The following EPHA3 variants were observed in gnomAD, a reference collection of about 807,000 sequenced individuals.
EPHA3 encodes EPH receptor A3.
EPHA3 carries 42 observed loss-of-function variants against 107.1 expected under a neutral mutation model. That is an observed-to-expected ratio of 0.39 (90% confidence interval 0.31 to 0.51). EPHA3 has a LOEUF of 0.51. Among genes scored for constraint, EPHA3 ranks in the 20% least tolerant of loss-of-function variants. The pLI, the probability that EPHA3 is intolerant of heterozygous loss-of-function variation, is 0.78. For synonymous variants in EPHA3, 461 were observed against 424.8 expected, an observed-to-expected ratio of 1.09 and a Z score of -1.05; for missense variants, 1,183 against 1,211.2, an observed-to-expected ratio of 0.98 and a Z score of 0.35.
At chr3:89,189,452 G>A (rs1705649739) in intron 2 of EPHA3, among the ~76,000 whole-genome samples, 1 of 152,136 alleles carries the variant, frequency 6.6e-6, no homozygotes, top group Non-Finnish European at 1.5e-5. Context: ...AATTAGCTGG[G>A]CACGGTGGCG....
chr3:89,193,266 T>C (rs1206122519), intron 2 of EPHA3, among the ~76,000 whole-genome samples: 1 of 152,070 alleles, frequency 6.6e-6, no homozygotes, highest in Non-Finnish European at 1.5e-5. Context: ...CCATTGTTTT[T>C]GGGTTTAAAA....
chr3:89,196,719 C>A (rs1322154632), intron 2 of EPHA3, among the ~76,000 whole-genome samples: 6 of 152,080 alleles, frequency 3.9e-5, no homozygotes, highest in African/African-American at 1.2e-4. Context: ...AGTCAAAATT[C>A]TACTTATGTT....
chr3:89,368,849 CAGCAGTATG>C (rs1708235738), intron 5 of EPHA3, among the ~76,000 whole-genome samples: 1 of 150,428 alleles, frequency 6.6e-6, no homozygotes, highest in Non-Finnish European at 1.5e-5. Context: ...AACGCTTCAC[CAGCAGTATG>C]AGCATCCCTT....
intron 2 of EPHA3, among the ~76,000 whole-genome samples, chr3:89,205,161 T>A (rs1706069243): frequency 6.6e-6 from 1 of 152,192 alleles, no homozygotes; most frequent in Non-Finnish European, 1.5e-5. Context: ...TATTGCAGCT[T>A]CTGTTTCTCT....
intron 2 of EPHA3, among the ~76,000 whole-genome samples, chr3:89,181,522 A>T (rs1705442084): frequency 6.6e-6 from 1 of 152,010 alleles, no homozygotes; most frequent in African/African-American, 2.4e-5. Flanking sequence ...TAAACAGAAA[A>T]ATAAATAAAA....
chr3:89,107,680 C>A lies in EPHA3; in HGVS notation c.-69C>A. On this transcript the variant is annotated 5_prime_UTR_variant, in exon 1 of 17. Transcript: ENST00000336596. ...ATGGTAACTTCTCCAGCAATCAGAGCGCTCCCCCTCACATCAGTGGCATGC... is the reference window on the plus strand; with the variant it reads ...ATGGTAACTTCTCCAGCAATCAGAGAGCTCCCCCTCACATCAGTGGCATGC... The A allele has an allele frequency of 2.2e-6, 3 of 1,393,762 alleles. No individual in the cohort carries two copies. Among genetic ancestry groups the A allele is most frequent in the Non-Finnish European group, 3.0e-6 (3 of 985,594 alleles). The allele number at this position is 1,393,762 out of a possible 1,614,324, so 86.3% of individuals were successfully genotyped here.
chr3:89,327,981 C>G lies in EPHA3; in HGVS notation c.815-12935C>G, dbSNP rs138567905. On this transcript the variant is annotated intron_variant, in intron 3 of 16. Transcript: ENST00000336596. ...CGCATGGTGGCTGTCACCTGTAATC[C>G]CAGCTATTTAGGAGGCTGAGGCAGG... Among the ~76,000 whole-genome samples, 1,076 of 151,866 alleles carry G rather than the reference C, an allele frequency of 7.1e-3. 12 individuals are homozygous for G. Among genetic ancestry groups the G allele is most frequent in the Middle Eastern group, 0.02 (6 of 294 alleles).
At chr3:89,457,515 G>A (rs1346540489) in intron 15 of EPHA3, among the ~76,000 whole-genome samples, 2 of 152,186 alleles carry the variant, frequency 1.3e-5, no homozygotes, top group Non-Finnish European at 2.9e-5. Flanking sequence ...GATGATCTGA[G>A]GCAGAACAGT....
intron 13 of EPHA3, among the ~76,000 whole-genome samples, chr3:89,438,884 T>C (rs544119815): frequency 2.6e-5 from 4 of 152,198 alleles, no homozygotes; most frequent in Non-Finnish European, 5.9e-5. Flanking sequence ...TAATGAAAAG[T>C]CTAGTACTTT....
intron 3 of EPHA3, among the ~76,000 whole-genome samples, chr3:89,217,693 A>G (rs1704251725): frequency 6.6e-6 from 1 of 152,220 alleles, no homozygotes; most frequent in African/African-American, 2.4e-5. Flanking sequence ...TGAGTGTAAA[A>G]TATTTCTGAA....
chr3:89,251,193 G>GT (rs1356117225), intron 3 of EPHA3, among the ~76,000 whole-genome samples: 11 of 151,912 alleles, frequency 7.2e-5, no homozygotes, highest in Non-Finnish European at 1.6e-4. Flanking sequence ...TTTTTGGTTT[G>GT]TTTTTTTAAA....
intron 11 of EPHA3, among the ~76,000 whole-genome samples, chr3:89,427,008 A>G (rs1202898193): frequency 6.6e-6 from 1 of 151,800 alleles, no homozygotes; most frequent in Non-Finnish European, 1.5e-5. Flanking sequence ...TTCTTTTTGA[A>G]TATTGTTTAA....
intron 2 of EPHA3, among the ~76,000 whole-genome samples, chr3:89,130,842 A>G (rs547485304): frequency 6.6e-6 from 1 of 151,924 alleles, no homozygotes; most frequent in Non-Finnish European, 1.5e-5. Flanking sequence ...TTCACCGTGT[A>G]AGCCAAGATG....
At chr3:89,237,702 A>G (rs1704799983) in intron 3 of EPHA3, among the ~76,000 whole-genome samples, 1 of 152,112 alleles carries the variant, frequency 6.6e-6, no homozygotes, top group Admixed American at 6.6e-5. Context: ...GCCATGGCTC[A>G]CACCTATAAT....
In EPHA3 at chr3:89,431,154, A is replaced by G. The variant is rs1368854829; in HGVS notation, c.2141A>G (p.His714Arg). 1 of 1,613,294 alleles carries G rather than the reference A, an allele frequency of 6.2e-7. No homozygotes were observed. The highest frequency in any genetic ancestry group is 1.7e-5 in the Admixed American group (1 of 59,810). Residue 714 changes from histidine to arginine, a missense_variant, in exon 13 of 17, where the codon CAC becomes CGC. Transcript: ENST00000336596. ...TACATTTGAAATGCTTCCCAGAAAC[A>G]CGATGCCCAGTTTACTGTCATTCAG... ...NGSLDSFLRKHDAQFTVIQLV... is the reference protein window; with the variant it reads ...NGSLDSFLRKRDAQFTVIQLV...
intron 15 of EPHA3, among the ~76,000 whole-genome samples, chr3:89,459,240 C>T (rs73141104): frequency 0.22 from 33,983 of 151,786 alleles, 4,108 homozygotes; most frequent in Non-Finnish European, 0.25. Context: ...GAAAACTATT[C>T]TGAATTTTGG....
At chr3:89,468,620 G>A (rs554294253) in intron 15 of EPHA3, among the ~76,000 whole-genome samples, 66 of 152,244 alleles carry the variant, frequency 4.3e-4, no homozygotes, top group African/African-American at 1.4e-3. Flanking sequence ...GCGTGTGCGC[G>A]CGCATGCCTG....
chr3:89,334,172 C>G (rs1707348402), intron 3 of EPHA3, among the ~76,000 whole-genome samples: 3 of 152,114 alleles, frequency 2.0e-5, no homozygotes, highest in Non-Finnish European at 1.5e-5. Flanking sequence ...GAAAGTATAA[C>G]AGGGAATTAT....
rs774032741 is a variant in EPHA3 at position 89,479,512 on chromosome 3, C to T, written c.*10C>T. On this transcript the variant is annotated 3_prime_UTR_variant, in exon 17 of 17. Coordinates refer to ENST00000336596, the MANE Select transcript of EPHA3 (RefSeq NM_005233.6). Reference sequence around the variant, plus strand: ...CCCAGTTCCCGTGTAAAGCACGGGACGGAAGTGCTTCTGGACGGAAGTGGT... The same window carrying T: ...CCCAGTTCCCGTGTAAAGCACGGGATGGAAGTGCTTCTGGACGGAAGTGGT... 4.5e-5 allele frequency: 72 copies of T among 1,599,086 alleles called. No homozygotes were observed. Among genetic ancestry groups the T allele is most frequent in the Middle Eastern group, 1.7e-4 (1 of 5,990 alleles).
Sources: allele counts gnomAD v4.1 joint callset (sites outside exome capture counted in the v4.1 genomes callset), GRCh38; gene constraint gnomAD v4.1.1; transcripts MANE v1.5; gene names NCBI Gene and HGNC (gene_info 2026-07-23, HGNC 2026-07-21).